The following ARPP21 variants were observed in gnomAD, a reference collection of about 807,000 sequenced individuals.
ARPP21 encodes the protein cAMP-regulated phosphoprotein 21.
ARPP21 carries 69 observed loss-of-function variants against 113.2 expected under a neutral mutation model. The ratio of observed to expected loss-of-function variants is 0.61; its 90% confidence interval spans 0.50 to 0.74. The LOEUF is 0.74. Ranked by LOEUF, ARPP21 falls within the 30% of genes least tolerant of loss-of-function variation. ARPP21 has a pLI of 0.00. For missense variants in ARPP21, 1,070 were observed against 1,037.4 expected (o/e 1.03, Z -0.43); for synonymous variants, 368 against 375.5 (o/e 0.98, Z 0.23).
chr3:35,675,599 T>A (rs376661755), intron 1 of ARPP21, among the ~76,000 whole-genome samples: 1 of 151,904 alleles, frequency 6.6e-6, no homozygotes, highest in African/African-American at 2.4e-5. Flanking sequence ...AAAAAAATTA[T>A]AGAGTTGTCT....
At chr3:35,723,641 C>G (rs1056415877) in intron 14 of ARPP21, among the ~76,000 whole-genome samples, 2 of 152,136 alleles carry the variant, frequency 1.3e-5, no homozygotes, top group African/African-American at 2.4e-5. Context: ...TTCCAGCACA[C>G]CAAAAGAGCT....
At position 35,783,495 on chromosome 3, in the gene ARPP21, A is replaced by G. The variant is rs115610187; in HGVS notation, c.2138-8887A>G. Among the ~76,000 whole-genome samples the G allele has an allele frequency of 4.6e-3, 694 of 151,040 alleles. 5 individuals carry two copies. The highest frequency in any genetic ancestry group is 4.0e-3 in the Non-Finnish European group (271 of 67,760). On this transcript the variant is annotated intron_variant, in intron 19 of 20. Coordinates refer to ENST00000684406, the MANE Select transcript of ARPP21 (RefSeq NM_001385562.1). Reference sequence around the variant, plus strand: ...TTCTGACAGTTCACATCCTACATCTATCTCTCTCTCTGATGTGTCTCTTTT... The same window carrying G: ...TTCTGACAGTTCACATCCTACATCTGTCTCTCTCTCTGATGTGTCTCTTTT...
In ARPP21 at chr3:35,667,864, A is replaced by T. The variant is rs1033395781; in HGVS notation, c.-212-11923A>T. 1.5e-4 allele frequency among the ~76,000 whole-genome samples: 19 copies of T among 129,310 alleles called. 2 individuals carry two copies. In the South Asian group the frequency reaches 4.6e-3, roughly 31 times the overall value. The allele number at this position is 129,310 out of a possible 152,430, so 84.8% of individuals were successfully genotyped here. On this transcript the variant is annotated intron_variant, in intron 1 of 20. Transcript: ENST00000684406. Reference sequence around the variant, plus strand: ...TCAAAGAAGAAGAAGAAGAAGAAGAAGAAGAAGAAGAAGAAGAAGAAGAAG... The same window carrying T: ...TCAAAGAAGAAGAAGAAGAAGAAGATGAAGAAGAAGAAGAAGAAGAAGAAG...
chr3:35,756,901 A>G (rs2095590636), intron 19 of ARPP21, among the ~76,000 whole-genome samples: 1 of 152,146 alleles, frequency 6.6e-6, no homozygotes. Context: ...ATGCAGTAAA[A>G]TCTGTCAAGC....
chr3:35,672,199 T>G (rs1340628986), intron 1 of ARPP21, among the ~76,000 whole-genome samples: 1 of 152,092 alleles, frequency 6.6e-6, no homozygotes, highest in Non-Finnish European at 1.5e-5. Context: ...GTTTCATAGC[T>G]GCTTCCTAGC....
chr3:35,764,380 C>T (rs1041875834), intron 19 of ARPP21, among the ~76,000 whole-genome samples: 1 of 152,114 alleles, frequency 6.6e-6, no homozygotes, highest in Non-Finnish European at 1.5e-5. Context: ...TGCACTAAAA[C>T]ATTTAAAAGT....
At chr3:35,736,199 C>G (rs1331841731) in intron 15 of ARPP21, among the ~76,000 whole-genome samples, 1 of 152,136 alleles carries the variant, frequency 6.6e-6, no homozygotes, top group Non-Finnish European at 1.5e-5. Context: ...GAATATACCT[C>G]TGCAGGTTGT....
intron 1 of ARPP21, among the ~76,000 whole-genome samples, chr3:35,668,672 A>C (rs982698730): frequency 1.1e-4 from 17 of 152,300 alleles, no homozygotes; most frequent in Middle Eastern, 3.4e-3. Flanking sequence ...ACACACATAA[A>C]TATTTAAAAT....
intron 15 of ARPP21, among the ~76,000 whole-genome samples, chr3:35,734,458 A>G (rs1313556177): frequency 6.6e-6 from 1 of 152,228 alleles, no homozygotes. Context: ...TGAAGAACAT[A>G]GAAAAAAGAG....
intron 9 of ARPP21, among the ~76,000 whole-genome samples, chr3:35,691,727 T>C (rs1379971906): frequency 6.6e-6 from 1 of 151,606 alleles, no homozygotes; most frequent in African/African-American, 2.4e-5. Context: ...CTTGGAGCTG[T>C]TTTTCTTGAA....
intron 19 of ARPP21, among the ~76,000 whole-genome samples, chr3:35,747,520 A>G (rs2095143406): frequency 6.6e-6 from 1 of 152,214 alleles, no homozygotes. Context: ...TTTATTGCCA[A>G]TCTGGCATTA....
chr3:35,733,429 T>C (rs1232822204), intron 15 of ARPP21, among the ~76,000 whole-genome samples: 3 of 152,218 alleles, frequency 2.0e-5, no homozygotes, highest in African/African-American at 7.2e-5. Context: ...ATTTCTGTCA[T>C]TGCACTCTCT....
chr3:35,737,776 C>G (rs1234179285), intron 16 of ARPP21, among the ~76,000 whole-genome samples: 1 of 152,150 alleles, frequency 6.6e-6, no homozygotes, highest in African/African-American at 2.4e-5. Flanking sequence ...GAACAGAAAT[C>G]AGTCAATTCC....
At chr3:35,750,969 T>C (rs527493924) in intron 19 of ARPP21, among the ~76,000 whole-genome samples, 1 of 152,302 alleles carries the variant, frequency 6.6e-6, no homozygotes, top group South Asian at 2.1e-4. Context: ...TTAATGCCAG[T>C]AATACTACTT....
chr3:35,639,437 G>C (rs980181140), upstream of ARPP21, among the ~76,000 whole-genome samples: 2 of 152,014 alleles, frequency 1.3e-5, no homozygotes, highest in African/African-American at 4.8e-5. This position sits in a 1 kb window ranked among gnomAD's most constrained non-coding sequence, Gnocchi z 5.0. Flanking sequence ...GGCGGGGACC[G>C]GACGCATCCG....
In ARPP21 at chr3:35,793,627, A is replaced by G. The variant is rs931778652; in HGVS notation, c.2287-74A>G. ...TAACTCAAAAGTTTGAATATTTTTC[A>G]TGACACCATGTTGTTTATTGTACAG... On this transcript the variant is annotated intron_variant, in intron 20 of 20. Transcript: ENST00000684406. The G allele has an allele frequency of 6.1e-6, 6 of 988,526 alleles. No individual in the cohort carries two copies. The Admixed American group carries it at 7.3e-5, about 12-fold the overall frequency. The allele number at this position is 988,526 out of a possible 1,614,324, so 61.2% of individuals were successfully genotyped here. A position where few individuals can be genotyped will look rare whatever the true frequency, so the allele number is the denominator to read the frequency against.
chr3:35,762,532 A>G lies in ARPP21; in HGVS notation c.2137+18567A>G, dbSNP rs549194643. Among the ~76,000 whole-genome samples, 37 of 152,116 alleles carry G rather than the reference A, an allele frequency of 2.4e-4. No individual in the cohort carries two copies. The South Asian group carries it at 7.7e-3, about 32-fold the overall frequency. Reference sequence around the variant, plus strand: ...TATTACAATGATCTACTTATTTCTGATAAATATTGGATTCATAGAGGCTAA... The same window carrying G: ...TATTACAATGATCTACTTATTTCTGGTAAATATTGGATTCATAGAGGCTAA... On this transcript the variant is annotated intron_variant, in intron 19 of 20. Coordinates refer to ENST00000684406, the MANE Select transcript of ARPP21 (RefSeq NM_001385562.1).
At chr3:35,714,965 A>G (rs2092136647) in intron 11 of ARPP21, 1 of 152,622 alleles carries the variant, frequency 6.6e-6, no homozygotes, top group African/African-American at 2.4e-5. Context: ...ATTTCATGAG[A>G]GTTTATCATC....
chr3:35,760,968 A>C (rs1262308116), intron 19 of ARPP21, among the ~76,000 whole-genome samples: 1 of 152,096 alleles, frequency 6.6e-6, no homozygotes, highest in Non-Finnish European at 1.5e-5. Flanking sequence ...CTCTTTCAAA[A>C]GCACTTTTTT....
Sources: allele counts gnomAD v4.1 joint callset (sites outside exome capture counted in the v4.1 genomes callset), GRCh38; gene constraint gnomAD v4.1.1; non-coding constraint Gnocchi (gnomAD v3.1); transcripts MANE v1.5; gene names NCBI Gene and HGNC (gene_info 2026-07-23, HGNC 2026-07-21).